The following PKHD1 variants were observed in gnomAD, a reference collection of about 807,000 sequenced individuals.
PKHD1 encodes fibrocystin.
PKHD1 carries 291 observed loss-of-function variants against 412.0 expected under a neutral mutation model. The observed-to-expected ratio is 0.71, with a 90% CI of 0.64 to 0.78. The LOEUF (loss-of-function observed/expected upper bound fraction) is 0.78. Ranked by LOEUF, PKHD1 falls within the 30% of genes least tolerant of loss-of-function variation. The pLI is 0.00. For missense variants in PKHD1, 4,825 were observed against 4,950.7 expected (o/e 0.97, Z 0.76); for synonymous variants, 1,777 against 1,821.5 (o/e 0.98, Z 0.62).
At chr6:51,810,393 C>T (rs180712956) in intron 52 of PKHD1, among the ~76,000 whole-genome samples, 16 of 152,158 alleles carry the variant, frequency 1.1e-4, no homozygotes, top group African/African-American at 3.6e-4. Context: ...ACAGGAAATG[C>T]CTTCAAAAAT....
chr6:51,870,749 A>G (rs1775860225), intron 46 of PKHD1, 110 bp from the exon 47 acceptor site: 1 of 818,894 alleles, frequency 1.2e-6, no homozygotes, highest in African/African-American at 1.7e-5. Flanking sequence ...GCTATTGACT[A>G]AGAGAAAATA....
chr6:51,834,615 C>CT (rs1768865040), intron 51 of PKHD1, among the ~76,000 whole-genome samples: 2 of 152,096 alleles, frequency 1.3e-5, no homozygotes, highest in African/African-American at 2.4e-5. Context: ...CGTAGAGCTA[C>CT]TCATTAAACA....
chr6:51,827,140 GT>G (rs1767452653), intron 52 of PKHD1, among the ~76,000 whole-genome samples: 1 of 152,010 alleles, frequency 6.6e-6, no homozygotes, highest in South Asian at 2.1e-4. Context: ...GTAAAAATGG[GT>G]TTTTACTGTA....
intron 1 of PKHD1, among the ~76,000 whole-genome samples, chr6:52,085,883 T>C (rs1310045961): frequency 6.6e-6 from 1 of 152,038 alleles, no homozygotes; most frequent in African/African-American, 2.4e-5. Flanking sequence ...TGAGCTGCTC[T>C]CCAGCACCTC....
chr6:51,849,492 C>T (rs187038239), intron 49 of PKHD1, among the ~76,000 whole-genome samples: 1 of 152,176 alleles, frequency 6.6e-6, no homozygotes, highest in African/African-American at 2.4e-5. Context: ...AATGGTTGAA[C>T]TAATTTACAT....
At chr6:51,797,984 T>C (rs1051967076) in intron 52 of PKHD1, among the ~76,000 whole-genome samples, 1 of 152,214 alleles carries the variant, frequency 6.6e-6, no homozygotes, top group Non-Finnish European at 1.5e-5. Flanking sequence ...TCAGTTCTTG[T>C]AAGGCAGATC....
At chr6:51,914,690 T>A (rs917719108) in intron 37 of PKHD1, among the ~76,000 whole-genome samples, 11 of 152,118 alleles carry the variant, frequency 7.2e-5, no homozygotes, top group African/African-American at 2.7e-4. Flanking sequence ...ATTTGCTGCT[T>A]GACTTCAAAG....
chr6:51,708,243 TCTCTTAC>T (rs1246943505), intron 60 of PKHD1, among the ~76,000 whole-genome samples: 1 of 152,142 alleles, frequency 6.6e-6, no homozygotes, highest in Non-Finnish European at 1.5e-5. Flanking sequence ...CTTTTCCTCA[TCTCTTAC>T]CTCTAATCAA....
chr6:51,852,414 G>C lies in PKHD1; in HGVS notation c.7911+3479C>G, dbSNP rs1772435590. On this transcript the variant is annotated intron_variant, in intron 49 of 66. Transcript: ENST00000371117. Reference sequence around the variant, plus strand: ...TAGAGAGTTCTGCAGACGTCTACTAGGTCCACTCGATCCAGAGCTGAGTTC... The same window carrying C: ...TAGAGAGTTCTGCAGACGTCTACTACGTCCACTCGATCCAGAGCTGAGTTC... Among the ~76,000 whole-genome samples, 6 of 152,262 alleles carry C rather than the reference G, an allele frequency of 3.9e-5. No individual in the cohort carries two copies. The South Asian group carries it at 1.2e-3, about 32-fold the overall frequency.
At position 51,678,886 on chromosome 6, in the gene PKHD1, C is replaced by T. The variant is rs142512547; in HGVS notation, c.10157-18917G>A. On this transcript the variant is annotated intron_variant, in intron 60 of 66. Transcript: ENST00000371117. ...TGCCAGCTTTAAACAAACTGATGTT[C>T]ATGGGTTAAACACAGGAGCAGCCAA... 9.6e-3 allele frequency among the ~76,000 whole-genome samples: 1,464 copies of T among 152,180 alleles called. 9 individuals carry two copies. The highest frequency in any genetic ancestry group is 0.017 in the Middle Eastern group (5 of 294).
chr6:51,837,780 A>G (rs1769496984), intron 50 of PKHD1, among the ~76,000 whole-genome samples: 1 of 152,184 alleles, frequency 6.6e-6, no homozygotes, highest in Non-Finnish European at 1.5e-5. Context: ...ATCCCCAAAG[A>G]GATCCATGAT....
intron 60 of PKHD1, among the ~76,000 whole-genome samples, chr6:51,692,261 T>TCACATA (rs1554196061): frequency 1.4e-5 from 2 of 147,430 alleles, no homozygotes; most frequent in East Asian, 2.0e-4. Flanking sequence ...ATCACATAAT[T>TCACATA]CACACACACA....
rs1444015105 is a variant in PKHD1 at position 51,658,922 on chromosome 6, C to T, written c.11174+30G>A. 4 of 1,488,596 alleles carry T rather than the reference C, an allele frequency of 2.7e-6. No homozygotes were observed. In the African/African-American group the frequency reaches 4.1e-5, roughly 15 times the overall value. 92.2% of individuals were successfully genotyped at this position (1,488,596 alleles called of 1,614,324 possible). A position where few individuals can be genotyped will look rare whatever the true frequency, so the allele number is the denominator to read the frequency against. ...AATATGGACCTAAAAAATCAGCCCT[C>T]ATTTGGATGTGAATATAATTAGTAC... On this transcript the variant is annotated intron_variant, in intron 61 of 66. Transcript: ENST00000371117.
chr6:51,662,640 G>C (rs1224540144), intron 60 of PKHD1, among the ~76,000 whole-genome samples: 2 of 151,684 alleles, frequency 1.3e-5, no homozygotes, highest in Non-Finnish European at 1.5e-5. Flanking sequence ...TAAAACAATA[G>C]AGAAAGCGAT....
In PKHD1 at chr6:51,659,471, G is replaced by A. The variant is rs1002017976; in HGVS notation, c.10655C>T (p.Pro3552Leu). 4 of 1,613,594 alleles carry A rather than the reference G, an allele frequency of 2.5e-6. No individual in the cohort carries two copies. The highest frequency in any genetic ancestry group is 1.7e-5 in the Admixed American group (1 of 59,880). Residue 3552 changes from proline to leucine, a missense_variant, in exon 61 of 67, where the codon CCC becomes CTC. By Grantham distance (98) the Pro-to-Leu change is moderately conservative (BLOSUM62 -3). Transcript: ENST00000371117. ...GGAAACACCTGAGCGTATTTCAATG[G>A]GCTCCTCTCCTTGTAGGACAACATA... ...LLYVVLQGEE[P>L]IEIRSGVSIH... is the part of the protein sequence containing the mutation.
In PKHD1 at chr6:51,616,457, T is replaced by C. The variant is rs1043629349; in HGVS notation, c.*2624A>G. On this transcript the variant is annotated 3_prime_UTR_variant, in exon 67 of 67. Coordinates refer to ENST00000371117, the MANE Select transcript of PKHD1 (RefSeq NM_138694.4). ...GAGTTGGCCTACAGTGGTGCTCAAA[T>C]TGGCTCATCTCCAGACATGAATGAA... The C allele has an allele frequency of 7.8e-6, 3 of 384,154 alleles. No individual in the cohort carries two copies. Among genetic ancestry groups the C allele is most frequent in the Middle Eastern group, 6.7e-4 (1 of 1,502 alleles). The allele number at this position is 384,154 out of a possible 1,614,324, so 23.8% of individuals were successfully genotyped here. A position where few individuals can be genotyped will look rare whatever the true frequency, so the allele number is the denominator to read the frequency against.
intron 66 of PKHD1, among the ~76,000 whole-genome samples, chr6:51,624,042 G>C (rs993119701): frequency 1.3e-5 from 2 of 151,856 alleles, no homozygotes; most frequent in Non-Finnish European, 2.9e-5. Context: ...AATAGAATTG[G>C]AACTCTTTAT....
chr6:51,998,159 A>G (rs1393346285), intron 35 of PKHD1, among the ~76,000 whole-genome samples: 1 of 152,160 alleles, frequency 6.6e-6, no homozygotes, highest in Non-Finnish European at 1.5e-5. Context: ...TCTTGGACAG[A>G]ACAACTGTCC....
At chr6:51,974,753 G>A (rs1052535677) in intron 35 of PKHD1, among the ~76,000 whole-genome samples, 1 of 152,152 alleles carries the variant, frequency 6.6e-6, no homozygotes, top group African/African-American at 2.4e-5. Context: ...ATTGGGTACA[G>A]TGCACACTGT....
Sources: gnomAD v4.1 joint callset for allele counts (sites outside exome capture counted in the v4.1 genomes callset) on GRCh38, gnomAD v4.1.1 for gene constraint, MANE v1.5 for transcripts, NCBI Gene and HGNC (gene_info 2026-07-23, HGNC 2026-07-21) for gene names.